Variants in DNAJC6 observed in about 807,000 individuals in gnomAD.
DNAJC6 encodes auxilin.
DNAJC6 carries 34 observed loss-of-function variants against 110.0 expected under a neutral mutation model. That is an observed-to-expected ratio of 0.31 (90% CI 0.24 to 0.41). The LOEUF (loss-of-function observed/expected upper bound fraction) is 0.41, where lower values mean the gene tolerates loss of function less well. Ranked by LOEUF, DNAJC6 falls within the 10% of genes least tolerant of loss-of-function variation. DNAJC6 has a pLI of 1.00. For missense variants in DNAJC6, 1,031 were observed against 1,207.8 expected (o/e 0.85, Z 2.17); for synonymous variants, 406 against 437.2 (o/e 0.93, Z 0.89).
intron 1 of DNAJC6, among the ~76,000 whole-genome samples, chr1:65,286,550 T>G (rs1004469681): frequency 6.6e-6 from 1 of 152,194 alleles, no homozygotes; most frequent in Non-Finnish European, 1.5e-5. Context: ...CCTGGCCAGT[T>G]ATCCTTTTTG....
At chr1:65,325,313 A>G (rs1645232366) in intron 1 of DNAJC6, among the ~76,000 whole-genome samples, 1 of 152,126 alleles carries the variant, frequency 6.6e-6, no homozygotes, top group African/African-American at 2.4e-5. Context: ...AAAAGCTAAG[A>G]TATTTCCTCT....
At position 65,405,928 on chromosome 1, in the gene DNAJC6, G is replaced by A. The variant is rs367640667; in HGVS notation, c.2286G>A (p.Pro762=). 40 of 1,613,926 alleles carry A rather than the reference G, an allele frequency of 2.5e-5. No individual in the cohort carries two copies. Among genetic ancestry groups the A allele is most frequent in the African/African-American group, 8.0e-5 (6 of 74,886 alleles). The change falls in exon 16 of 19, where the codon CCG becomes CCA. Residue 762 remains proline (P), a synonymous_variant. Coordinates refer to ENST00000371069, the MANE Select transcript of DNAJC6 (RefSeq NM_001256864.2). The stretch of plus-strand genomic sequence containing the variant: ...CAACTGGATTGGGTGGAGGATTCCC[G>A]CCTCTCAGCTCGCCACAGAAGGCGT... ...TTPTGLGGGF[P]PLSSPQKASP...
chr1:65,412,884 G>T, intron 18 of DNAJC6, 40 bp from the exon 19 acceptor site: 1 of 1,508,588 alleles, frequency 6.6e-7, no homozygotes, highest in South Asian at 1.2e-5. Context: ...ATGAAATTTT[G>T]GTCTGTGGTA....
At position 65,411,187 on chromosome 1, in the gene DNAJC6, A is replaced by G. The variant is rs905818663; in HGVS notation, c.2635-63A>G. 7 of 1,526,972 alleles carry G rather than the reference A, an allele frequency of 4.6e-6. No homozygotes were observed. In the Admixed American group the frequency reaches 1.1e-4, roughly 24 times the overall value. The allele number at this position is 1,526,972 out of a possible 1,614,324, so 94.6% of individuals were successfully genotyped here. ...GAGCAGAAGGGGTTTCTAGAGTCCTAGTGGAAACCTTCTGAACTAGTAAGT... is the reference window on the plus strand; with the variant it reads ...GAGCAGAAGGGGTTTCTAGAGTCCTGGTGGAAACCTTCTGAACTAGTAAGT... On this transcript the variant is annotated intron_variant, in intron 17 of 18. Transcript: ENST00000371069.
At chr1:65,350,607 G>A (rs1452613491) in intron 1 of DNAJC6, among the ~76,000 whole-genome samples, 3 of 152,056 alleles carry the variant, frequency 2.0e-5, no homozygotes, top group African/African-American at 7.2e-5. Flanking sequence ...ATTTTATTCT[G>A]GAAGACAGTT....
intron 11 of DNAJC6, among the ~76,000 whole-genome samples, chr1:65,390,833 C>T (rs1645919277): frequency 1.3e-5 from 2 of 152,274 alleles, no homozygotes; most frequent in Admixed American, 6.5e-5. Flanking sequence ...TTTGGAAAAC[C>T]CAGTGGTATC....
chr1:65,399,467 A>G (rs2101625316), intron 14 of DNAJC6, among the ~76,000 whole-genome samples: 1 of 152,306 alleles, frequency 6.6e-6, no homozygotes, highest in East Asian at 1.9e-4. Flanking sequence ...GCACATACAA[A>G]CACATACACA....
chr1:65,338,671 G>T (rs757771495), intron 1 of DNAJC6, among the ~76,000 whole-genome samples: 1 of 152,024 alleles, frequency 6.6e-6, no homozygotes, highest in Non-Finnish European at 1.5e-5. Context: ...CAAGTTTTGG[G>T]TTTATCTTTT....
intron 4 of DNAJC6, among the ~76,000 whole-genome samples, chr1:65,377,350 C>T (rs1165115053): frequency 6.6e-6 from 1 of 152,100 alleles, no homozygotes. Context: ...TATTTTTAGT[C>T]AGTAAGTCAT....
chr1:65,409,657 T>C (rs1202160223), intron 17 of DNAJC6, among the ~76,000 whole-genome samples: 3 of 152,142 alleles, frequency 2.0e-5, no homozygotes, highest in Non-Finnish European at 4.4e-5. Flanking sequence ...GACTTACCAA[T>C]TCCTGCAACA....
Position 65,386,816 on chromosome 1 carries a change from T to C in DNAJC6, c.1000T>C (p.Tyr334His). Reference protein sequence around the residue: ...TCTDFERMKEYRVQDGKIFIP... With the variant: ...TCTDFERMKEHRVQDGKIFIP... ...TATTTTGGTCTGTGTTTACAGAGAA[T>C]ATCGTGTCCAAGATGGAAAAATCTT... Residue 334 changes from tyrosine (Y) to histidine (H), a missense_variant, in exon 8 of 19, where the codon TAT becomes CAT. Tyr to His is a moderately conservative substitution (Grantham distance 83, BLOSUM62 2). Transcript: ENST00000371069. The C allele has an allele frequency of 1.2e-6, 2 of 1,613,826 alleles. No homozygotes were observed. The highest frequency in any genetic ancestry group is 1.7e-6 in the Non-Finnish European group (2 of 1,179,710).
chr1:65,328,488 C>T (rs912106554), intron 1 of DNAJC6, among the ~76,000 whole-genome samples: 1 of 152,174 alleles, frequency 6.6e-6, no homozygotes, highest in Non-Finnish European at 1.5e-5. Context: ...ATTCGTTCCA[C>T]CTCAGATTCC....
rs1313432390 is a variant in DNAJC6, at chr1:65,309,814, C to T, written c.69C>T (p.Asp23=). 2 of 1,549,736 alleles carry T rather than the reference C, an allele frequency of 1.3e-6. No homozygotes were observed. Among genetic ancestry groups the T allele is most frequent in the South Asian group, 2.4e-5 (2 of 84,058 alleles). The change falls in exon 1 of 19, where the codon GAC becomes GAT. Residue 23 remains aspartate (D), a synonymous_variant. Coordinates refer to ENST00000371069, the MANE Select transcript of DNAJC6 (RefSeq NM_001256864.2). ...NDGYESLQLV[D]SNGDLSAGSG... ...GTTATGAATCTTTGCAGCTGGTGGA[C>T]AGTAACGGGGACTTAAGTGCGGGAA...
chr1:65,308,970 T>A (rs745757242), upstream of DNAJC6, among the ~76,000 whole-genome samples: 3 of 152,148 alleles, frequency 2.0e-5, no homozygotes, highest in African/African-American at 7.2e-5. Context: ...AAAATATTGC[T>A]CTTCCTTTAT....
chr1:65,276,645 C>T (rs1273639940), intron 1 of DNAJC6, among the ~76,000 whole-genome samples: 1 of 152,118 alleles, frequency 6.6e-6, no homozygotes, highest in Non-Finnish European at 1.5e-5. Flanking sequence ...TGTGAACTTG[C>T]TGAAAACTCT....
chr1:65,407,210 T>C (rs1379615018), intron 16 of DNAJC6, among the ~76,000 whole-genome samples: 1 of 152,168 alleles, frequency 6.6e-6, no homozygotes, highest in Admixed American at 6.5e-5. Context: ...TGTTGTATTC[T>C]CTACCCACCC....
chr1:65,302,093 TATATATA>T (rs972990601), intron 1 of DNAJC6, among the ~76,000 whole-genome samples: 2 of 32,576 alleles, frequency 6.1e-5, no homozygotes, highest in African/African-American at 4.3e-4. Context: ...ATATATATTA[TATATATA>T]ATATATAATA....
At chr1:65,326,944 G>A (rs1373277836) in intron 1 of DNAJC6, among the ~76,000 whole-genome samples, 1 of 152,176 alleles carries the variant, frequency 6.6e-6, no homozygotes, top group Non-Finnish European at 1.5e-5. Context: ...GTCTTATGTT[G>A]AGATGGATGG....
intron 1 of DNAJC6, among the ~76,000 whole-genome samples, chr1:65,270,756 G>A (rs545354854): frequency 5.0e-4 from 76 of 152,260 alleles, no homozygotes; most frequent in African/African-American, 1.8e-3. Flanking sequence ...TTGGCTCGCT[G>A]CAACGTCCAC....
Sources: allele counts gnomAD v4.1 joint callset (sites outside exome capture counted in the v4.1 genomes callset), GRCh38; gene constraint gnomAD v4.1.1; transcripts MANE v1.5; gene names NCBI Gene and HGNC (gene_info 2026-07-23, HGNC 2026-07-21).